TRIP12: variants seen among roughly 807,000 people sequenced by gnomAD.
TRIP12 encodes thyroid hormone receptor interactor 12, also known as E3 ubiquitin-protein ligase TRIP12.
Under a neutral mutation model 244.2 loss-of-function variants are expected in TRIP12, and 25 were observed. That is an observed-to-expected ratio of 0.10 (90% CI 0.07 to 0.14). The LOEUF (loss-of-function observed/expected upper bound fraction) is 0.14. TRIP12 is among the 10% of genes least tolerant of loss of function. The pLI, the probability that TRIP12 is intolerant of heterozygous loss-of-function variation, is 1.00. For missense variants in TRIP12, 1,677 were observed against 2,486.4 expected, an observed-to-expected ratio of 0.67 and a Z score of 6.92; for synonymous variants, 905 against 873.1, an observed-to-expected ratio of 1.04 and a Z score of -0.64.
intron 33 of TRIP12, among the ~76,000 whole-genome samples, chr2:229,786,538 C>T (rs963955554): frequency 8.2e-5 from 12 of 147,062 alleles, no homozygotes; most frequent in African/African-American, 3.0e-4. Flanking sequence ...GCTGGGATTA[C>T]AGGCATGCGC....
intron 1 of TRIP12, among the ~76,000 whole-genome samples, chr2:229,910,869 G>A (rs986720155): frequency 6.6e-6 from 1 of 152,218 alleles, no homozygotes; most frequent in Admixed American, 6.5e-5. Flanking sequence ...ACTAATGACA[G>A]TTGAGAAATA....
intron 8 of TRIP12, among the ~76,000 whole-genome samples, chr2:229,828,264 G>GT (rs2052290755): frequency 6.6e-6 from 1 of 151,828 alleles, no homozygotes; most frequent in African/African-American, 2.4e-5. Flanking sequence ...TTAAGTTCAT[G>GT]TGTAAAGGTT....
intron 1 of TRIP12, among the ~76,000 whole-genome samples, chr2:229,901,864 C>T (rs2070994293): frequency 6.6e-6 from 1 of 152,060 alleles, no homozygotes; most frequent in Non-Finnish European, 1.5e-5. Flanking sequence ...GTTCCCTACC[C>T]AAATTCCAAC....
chr2:229,900,830 C>G (rs1475807423), intron 1 of TRIP12: 1 of 151,306 alleles, frequency 6.6e-6, no homozygotes, highest in Non-Finnish European at 1.5e-5. Context: ...CCACTGCACT[C>G]CAGCCTGGGC....
rs1374190857 is a variant in TRIP12, at chr2:229,787,575, T to A, written c.4925A>T (p.Asp1642Val). The A allele has an allele frequency of 6.2e-7, 1 of 1,613,966 alleles. No homozygotes were observed. The highest frequency in any genetic ancestry group is 1.1e-5 in the South Asian group (1 of 91,040). The part of the protein sequence containing the change: ...DRDRAMQRLL[D>V]TNPEINQSDS... ...AGACTGGTTGATTTCTGGGTTGGTATCAAGTAATCTTTGCATTGCTCGGTC... is the reference window on the plus strand; with the variant it reads ...AGACTGGTTGATTTCTGGGTTGGTAACAAGTAATCTTTGCATTGCTCGGTC... Residue 1642 changes from aspartate (D) to valine (V), a missense_variant, in exon 33 of 42, where the codon GAT becomes GTT. Physicochemically the swap from Asp to Val is radical, Grantham distance 152 (BLOSUM62 -3). Around this residue, in one of 11 missense-constraint regions of TRIP12, gnomAD observed 30 missense variants for 64.7 expected, o/e 0.46. Transcript: ENST00000675903.
chr2:229,811,666 A>C (rs1446548385), intron 13 of TRIP12, among the ~76,000 whole-genome samples: 1 of 152,228 alleles, frequency 6.6e-6, no homozygotes, highest in Non-Finnish European at 1.5e-5. Context: ...TCACTATAAA[A>C]ACAAATAATT....
At chr2:229,769,371 G>C in intron 39 of TRIP12, 46 bp from the exon 40 acceptor site, 1 of 1,570,830 alleles carries the variant, frequency 6.4e-7, no homozygotes, top group Non-Finnish European at 8.7e-7. Flanking sequence ...GGAAACATTT[G>C]TTTACGTGAG....
intron 4 of TRIP12, among the ~76,000 whole-genome samples, chr2:229,851,506 A>C (rs112119614): frequency 0.011 from 1,735 of 152,236 alleles, 30 homozygotes; most frequent in African/African-American, 0.04. Flanking sequence ...GCCAGATAAG[A>C]GAATAAAAGC....
intron 26 of TRIP12, among the ~76,000 whole-genome samples, chr2:229,794,574 T>G (rs1014385677): frequency 2.0e-5 from 3 of 151,624 alleles, no homozygotes; most frequent in Non-Finnish European, 2.9e-5. Flanking sequence ...CCAAAATAAA[T>G]AAATAAATAA....
In TRIP12 at chr2:229,908,035, C is replaced by T. The variant is rs575306356; in HGVS notation, c.-50+13845G>A. On this transcript the variant is annotated intron_variant, in intron 1 of 41. Coordinates refer to ENST00000675903, the MANE Select transcript of TRIP12 (RefSeq NM_001348323.3). The stretch of plus-strand genomic sequence containing the variant: ...TAGATTTAAACTGAATCTCAGTGTT[C>T]GCTCTTACCCACTTCACTAAACTTA... Among the ~76,000 whole-genome samples, 49 of 151,900 alleles carry T rather than the reference C, an allele frequency of 3.2e-4. 1 individual carries two copies. Among genetic ancestry groups the T allele is most frequent in the African/African-American group, 1.0e-3 (43 of 41,434 alleles).
intron 32 of TRIP12, 85 bp downstream of exon 32, chr2:229,788,713 T>C: frequency 5.3e-6 from 8 of 1,517,416 alleles, no homozygotes; most frequent in Non-Finnish European, 7.1e-6. Flanking sequence ...CTAGGTCCAG[T>C]AAAGACAATG....
chr2:229,837,014 C>T, intron 5 of TRIP12, 30 bp from the exon 6 acceptor site: 5 of 1,493,894 alleles, frequency 3.3e-6, no homozygotes, highest in Non-Finnish European at 4.4e-6. Context: ...TCATGGGCAG[C>T]ATTACCAGTG....
chr2:229,893,297 C>G (rs1479125804), intron 1 of TRIP12, among the ~76,000 whole-genome samples: 1 of 152,176 alleles, frequency 6.6e-6, no homozygotes, highest in Non-Finnish European at 1.5e-5. Context: ...AATTTTGCTT[C>G]ATGTTTTCAG....
chr2:229,805,720 A>G lies in TRIP12; in HGVS notation c.2650+10T>C, dbSNP rs767325638. On this transcript the variant is annotated intron_variant, in intron 18 of 41. Transcript: ENST00000675903. ...TAGTATAGTGCTATTTTAACTCAGA[A>G]TGTACTTACTAGTGTTACTATTGGC... 1 of 1,565,810 alleles carries G rather than the reference A, an allele frequency of 6.4e-7. No individual in the cohort carries two copies. Among genetic ancestry groups the G allele is most frequent in the East Asian group, 2.3e-5 (1 of 44,110 alleles).
Position 229,771,466 on chromosome 2 carries a change from C to T in TRIP12, c.5808+53G>A, listed in dbSNP as rs906841517. On this transcript the variant is annotated intron_variant, in intron 39 of 41. Coordinates refer to ENST00000675903, the MANE Select transcript of TRIP12 (RefSeq NM_001348323.3). ...GGTCTTTGACTAGGCAGCACAGAAACACTCCACTAAAATTATAGGTATGAC... is the reference window on the plus strand; with the variant it reads ...GGTCTTTGACTAGGCAGCACAGAAATACTCCACTAAAATTATAGGTATGAC... 4 of 1,487,492 alleles carry T rather than the reference C, an allele frequency of 2.7e-6. No individual in the cohort carries two copies. In the African/African-American group the frequency reaches 4.2e-5, roughly 16 times the overall value. 92.1% of individuals were successfully genotyped at this position (1,487,492 alleles called of 1,614,324 possible). A position where few individuals can be genotyped will look rare whatever the true frequency, so the allele number is the denominator to read the frequency against.
intron 6 of TRIP12, among the ~76,000 whole-genome samples, chr2:229,831,907 CAGATGATTGATCT>C (rs1415065615): frequency 8.0e-6 from 1 of 125,708 alleles, no homozygotes; most frequent in Non-Finnish European, 1.6e-5. Flanking sequence ...TTTTTTAACA[CAGATGATTGATCT>C]ACATAAGCTC....
intron 4 of TRIP12, among the ~76,000 whole-genome samples, chr2:229,842,407 T>G (rs1241029369): frequency 6.6e-6 from 1 of 152,198 alleles, no homozygotes; most frequent in Non-Finnish European, 1.5e-5. Context: ...TTTGGCTAAT[T>G]AGCATCACAT....
chr2:229,858,714 T>C, intron 4 of TRIP12, 58 bp downstream of exon 4: 2 of 1,459,984 alleles, frequency 1.4e-6, no homozygotes, highest in South Asian at 2.8e-5. Context: ...ATAATTGCTT[T>C]TGACAAACCA....
chr2:229,806,111 C>G (rs2045818846), intron 17 of TRIP12: 1 of 358,212 alleles, frequency 2.8e-6, no homozygotes, highest in Admixed American at 4.1e-5. Flanking sequence ...TATCAGGGAC[C>G]CTTAGACATA....
Sources: allele counts gnomAD v4.1 joint callset (sites outside exome capture counted in the v4.1 genomes callset), GRCh38; gene constraint gnomAD v4.1.1; regional missense constraint gnomAD v4.1.1; transcripts MANE v1.5; gene names NCBI Gene and HGNC (gene_info 2026-07-23, HGNC 2026-07-21).